The following FRMD3 variants were observed in gnomAD, a reference collection of about 807,000 sequenced individuals.
FRMD3 encodes the protein FERM domain-containing protein 3.
FRMD3 carries 33 observed loss-of-function variants against 70.2 expected under a neutral mutation model. The observed-to-expected ratio is 0.47, with a 90% CI of 0.36 to 0.63. FRMD3 has a LOEUF of 0.63. Among genes scored for constraint, FRMD3 ranks in the 20% least tolerant of loss-of-function variants. The pLI is 0.00. For synonymous variants in FRMD3, 279 were observed against 255.9 expected (o/e 1.09, Z -0.86); for missense variants, 632 against 711.4 (o/e 0.89, Z 1.27).
Position 83,299,158 on chromosome 9 carries a change from C to T in FRMD3, c.955G>A (p.Val319Ile). Reference protein sequence around the residue: ...KYAKSSQIKTVSSSKIFFKGS... With the variant: ...KYAKSSQIKTISSSKIFFKGS... ...TTAAAAAATATCTTGCTGCTTGATA[C>T]AGTCTTGATCTGACTGGATTTTGCA... The change falls in exon 11 of 14, where the codon GTA becomes ATA. Residue 319 changes from valine to isoleucine, a missense_variant. Val to Ile is a conservative substitution (Grantham distance 29). Around this residue, in one of 3 missense-constraint regions of FRMD3, gnomAD observed 418 missense variants for 442.1 expected, o/e 0.95. Transcript: ENST00000304195. 1 of 1,612,566 alleles carries T rather than the reference C, an allele frequency of 6.2e-7. No individual in the cohort carries two copies. Among genetic ancestry groups the T allele is most frequent in the South Asian group, 1.1e-5 (1 of 90,694 alleles).
At chr9:83,572,464 C>G in the FRMD3 span, among the ~76,000 whole-genome samples, 1 of 152,140 alleles carries the variant, frequency 6.6e-6, no homozygotes, top group South Asian at 2.1e-4. Context: ...TGTGAAGTCT[C>G]TTTTCATTGT....
intron 1 of FRMD3, among the ~76,000 whole-genome samples, chr9:83,440,892 T>C (rs1030753275): frequency 3.9e-5 from 6 of 151,956 alleles, no homozygotes; most frequent in African/African-American, 1.4e-4. Flanking sequence ...GCATTCTGGT[T>C]CTCCTCTCCT....
At chr9:83,364,097 G>A (rs1824710485) in intron 3 of FRMD3, among the ~76,000 whole-genome samples, 1 of 152,110 alleles carries the variant, frequency 6.6e-6, no homozygotes, top group African/African-American at 2.4e-5. Flanking sequence ...TTCCTTCTCT[G>A]AGTCTTTTGC....
Position 83,246,500 on chromosome 9 carries a change from C to T in FRMD3, c.*1418G>A, listed in dbSNP as rs1326158355. ...TGGTTAGGGTCATGTCACTACTTTA[C>T]CCAGGCTGAACTGGTATGTCATCTC... On this transcript the variant is annotated 3_prime_UTR_variant, in exon 14 of 14. Coordinates refer to ENST00000304195, the MANE Select transcript of FRMD3 (RefSeq NM_174938.6). 1.0e-6 allele frequency: 1 copy of T among 985,116 alleles called. No individual in the cohort carries two copies. Among genetic ancestry groups the T allele is most frequent in the Non-Finnish European group, 1.2e-6 (1 of 829,924 alleles). 61.0% of individuals were successfully genotyped at this position (985,116 alleles called of 1,614,324 possible).
At chr9:83,312,308 G>A (rs1219090499) in intron 7 of FRMD3, among the ~76,000 whole-genome samples, 1 of 152,214 alleles carries the variant, frequency 6.6e-6, no homozygotes, top group Non-Finnish European at 1.5e-5. Context: ...TTTGTAATGT[G>A]AGAAAACTGT....
chr9:83,306,166 C>T (rs983971650), intron 10 of FRMD3, among the ~76,000 whole-genome samples: 2 of 152,160 alleles, frequency 1.3e-5, no homozygotes, highest in African/African-American at 4.8e-5. Flanking sequence ...TTCTTTGATA[C>T]GGACCCAGTG....
intron 1 of FRMD3, among the ~76,000 whole-genome samples, chr9:83,428,377 C>CAA (rs201510596): frequency 1.5e-5 from 2 of 136,656 alleles, no homozygotes; most frequent in Non-Finnish European, 1.6e-5. Flanking sequence ...GACTCGGCCT[C>CAA]AAAAAAAAAA....
chr9:83,243,555 G>T (rs988620611), downstream of FRMD3, among the ~76,000 whole-genome samples: 1 of 152,184 alleles, frequency 6.6e-6, no homozygotes, highest in Admixed American at 6.5e-5. Flanking sequence ...CCGCCATTTT[G>T]TGTGAGCCTT....
intron 13 of FRMD3, among the ~76,000 whole-genome samples, chr9:83,274,613 TGA>T (rs1175970067): frequency 6.6e-6 from 1 of 152,106 alleles, no homozygotes; most frequent in Non-Finnish European, 1.5e-5. Context: ...AAGCTTTGTC[TGA>T]GAGAGAAGGA....
At position 83,304,682 on chromosome 9, in the gene FRMD3, C is replaced by T. The variant is rs139392045; in HGVS notation, c.926+4854G>A. Reference sequence around the variant, plus strand: ...TACAGCCTCAACCATGTATCCAGTACACAGCAAAAACTGTGAGATAAAGAT... The same window carrying T: ...TACAGCCTCAACCATGTATCCAGTATACAGCAAAAACTGTGAGATAAAGAT... On this transcript the variant is annotated intron_variant, in intron 10 of 13. Coordinates refer to ENST00000304195, the MANE Select transcript of FRMD3 (RefSeq NM_174938.6). Among the ~76,000 whole-genome samples the T allele has an allele frequency of 3.9e-5, 6 of 152,296 alleles. No homozygotes were observed. In the East Asian group the frequency reaches 1.2e-3, roughly 29 times the overall value.
intron 1 of FRMD3, among the ~76,000 whole-genome samples, chr9:83,428,849 A>C (rs751164561): frequency 5.3e-5 from 8 of 152,084 alleles, no homozygotes; most frequent in Admixed American, 1.3e-4. Context: ...TTAACCCAAT[A>C]ATGTATGTTT....
intron 1 of FRMD3, among the ~76,000 whole-genome samples, chr9:83,403,426 T>C (rs1399712623): frequency 2.6e-5 from 4 of 152,114 alleles, no homozygotes; most frequent in Admixed American, 2.6e-4. Flanking sequence ...GATAATGTTT[T>C]AAAGGGGCTT....
intron 12 of FRMD3, among the ~76,000 whole-genome samples, chr9:83,293,646 G>A (rs1834536822): frequency 6.6e-6 from 1 of 152,198 alleles, no homozygotes; most frequent in Non-Finnish European, 1.5e-5. Flanking sequence ...GGGCTCACCA[G>A]GCTGATATCC....
intron 1 of FRMD3, among the ~76,000 whole-genome samples, chr9:83,512,705 C>T (rs1829365323): frequency 6.6e-6 from 1 of 152,190 alleles, no homozygotes; most frequent in Admixed American, 6.5e-5. Context: ...CTCCCTTCCC[C>T]TTATCCCTAC....
chr9:83,473,202 C>A (rs926454450), intron 1 of FRMD3, among the ~76,000 whole-genome samples: 2 of 152,148 alleles, frequency 1.3e-5, no homozygotes, highest in African/African-American at 4.8e-5. Flanking sequence ...GACTCTTACA[C>A]CGACATCTCA....
intron 1 of FRMD3, among the ~76,000 whole-genome samples, chr9:83,510,989 A>G (rs968083696): frequency 5.3e-5 from 8 of 152,224 alleles, no homozygotes; most frequent in African/African-American, 1.9e-4. Flanking sequence ...GGAATTATAC[A>G]CTTTAGGTGA....
chr9:83,282,580 C>T (rs914611579), intron 13 of FRMD3, among the ~76,000 whole-genome samples: 5 of 150,192 alleles, frequency 3.3e-5, no homozygotes, highest in African/African-American at 1.2e-4. Flanking sequence ...GCAAAAGAAT[C>T]AGAGTTAAGA....
At chr9:83,283,550 AATAATAATAAT>A (rs1563993493) in intron 13 of FRMD3, among the ~76,000 whole-genome samples, 6 of 11,396 alleles carry the variant, frequency 5.3e-4, no homozygotes, top group African/African-American at 7.4e-4. Context: ...AAAAAAAAAT[AATAATAATAAT>A]AATAATAATA....
At chr9:83,351,732 G>GGTAGATAGATAA (rs1554691526) in intron 3 of FRMD3, among the ~76,000 whole-genome samples, 9 of 151,558 alleles carry the variant, frequency 5.9e-5, no homozygotes, top group African/African-American at 2.2e-4. Context: ...TAGATAGATA[G>GGTAGATAGATAA]ACATGCCATC....
Sources: allele counts gnomAD v4.1 joint callset (sites outside exome capture counted in the v4.1 genomes callset), GRCh38; gene constraint gnomAD v4.1.1; regional missense constraint gnomAD v4.1.1; transcripts MANE v1.5; gene names NCBI Gene and HGNC (gene_info 2026-07-23, HGNC 2026-07-21).